Variants in MTRR observed in about 807,000 individuals in gnomAD.
MTRR encodes methionine synthase reductase.
Under a neutral mutation model 79.2 loss-of-function variants are expected in MTRR, and 63 were observed. The observed-to-expected ratio is 0.80, with a 90% CI of 0.65 to 0.98. MTRR has a LOEUF of 0.98. MTRR is among the 50% of genes least tolerant of loss of function. MTRR has a pLI of 0.00. For missense variants in MTRR, 895 were observed against 839.6 expected (o/e 1.07, Z -0.82); for synonymous variants, 355 against 313.3 (o/e 1.13, Z -1.41).
At chr5:7,878,791 C>T (rs767391729) in intron 5 of MTRR, among the ~76,000 whole-genome samples, 3 of 152,222 alleles carry the variant, frequency 2.0e-5, no homozygotes, top group Non-Finnish European at 4.4e-5. Flanking sequence ...TTTCTCCCCA[C>T]AGGCAGTGTA....
chr5:7,870,060 A>T (rs1747652464), intron 1 of MTRR: 1 of 985,126 alleles, frequency 1.0e-6, no homozygotes, highest in Admixed American at 6.2e-5. Context: ...AAAATCTGTG[A>T]GTGTCGTTTG....
intron 9 of MTRR, chr5:7,890,272 C>T: frequency 1.0e-6 from 1 of 985,296 alleles, no homozygotes; most frequent in South Asian, 4.7e-5. Context: ...GTTTTTTCCA[C>T]TTAGGACCTC....
intron 8 of MTRR, among the ~76,000 whole-genome samples, chr5:7,887,873 A>G (rs1425042021): frequency 1.4e-5 from 2 of 141,888 alleles, no homozygotes; most frequent in African/African-American, 2.7e-5. Context: ...AAAATTCTGG[A>G]TACAGAAATA....
intron 3 of MTRR, among the ~76,000 whole-genome samples, chr5:7,874,002 A>G (rs1748448653): frequency 6.6e-6 from 1 of 152,214 alleles, no homozygotes. Context: ...ACTAAATTAT[A>G]TGACTTAGGC....
upstream of MTRR, chr5:7,867,876 C>T: frequency 6.2e-7 from 1 of 1,614,130 alleles, no homozygotes; most frequent in Non-Finnish European, 8.5e-7. Context: ...AGGTCATTTC[C>T]ATTTTTCGAA....
At chr5:7,872,399 T>A (rs1015671788) in intron 2 of MTRR, 2 of 315,516 alleles carry the variant, frequency 6.3e-6, no homozygotes, top group African/African-American at 4.4e-5. Context: ...GCTCAGCTTA[T>A]AGCTAATGAT....
upstream of MTRR, chr5:7,867,547 C>G (rs978533461): frequency 6.2e-7 from 1 of 1,614,238 alleles, no homozygotes; most frequent in South Asian, 1.1e-5. Flanking sequence ...GCAAAGCAGT[C>G]ACTAAACTAG....
intron 3 of MTRR, 23 bp from the exon 4 acceptor site, chr5:7,875,235 A>C: frequency 6.9e-7 from 1 of 1,459,162 alleles, no homozygotes; most frequent in Non-Finnish European, 9.6e-7. Flanking sequence ...ATTGTGCATT[A>C]ATTATGTATT....
At chr5:7,895,661 C>A in intron 11 of MTRR, 73 bp from the exon 12 acceptor site, 1 of 1,577,450 alleles carries the variant, frequency 6.3e-7, no homozygotes, top group Non-Finnish European at 8.7e-7. Context: ...ATTTGTTTAG[C>A]AAAGATCATC....
At chr5:7,851,038 G>T, upstream of MTRR, 1 of 1,239,690 alleles carries the variant, frequency 8.1e-7, no homozygotes, top group Non-Finnish European at 1.0e-6. Context: ...ACCGTCCAGC[G>T]CCCCCGCCTT....
At chr5:7,882,129 T>C (rs529535823) in intron 5 of MTRR, among the ~76,000 whole-genome samples, 62 of 152,280 alleles carry the variant, frequency 4.1e-4, no homozygotes, top group African/African-American at 1.4e-3. Flanking sequence ...GGAAGCAGGA[T>C]TGGGCACAGT....
At chr5:7,866,462 C>T (rs1405900950), upstream of MTRR, among the ~76,000 whole-genome samples, 1 of 152,190 alleles carries the variant, frequency 6.6e-6, no homozygotes, top group African/African-American at 2.4e-5. Context: ...GCTTTCTTCC[C>T]TCTACATGAT....
intron 2 of MTRR, among the ~76,000 whole-genome samples, 199 bp from the exon 3 acceptor site, chr5:7,873,174 G>C (rs897342518): frequency 2.0e-5 from 3 of 152,192 alleles, no homozygotes; most frequent in Non-Finnish European, 2.9e-5. Flanking sequence ...ACAGACGCAT[G>C]GTTTCCTTGA....
chr5:7,893,944 CT>C (rs1561273071), intron 11 of MTRR, among the ~76,000 whole-genome samples: 2 of 152,092 alleles, frequency 1.3e-5, no homozygotes, highest in Admixed American at 1.3e-4. Context: ...CAGAAACTTT[CT>C]TTTTTGAGAA....
chr5:7,897,071 G>A lies in MTRR; in HGVS notation c.1776G>A (p.Glu592=). ...ATTATATATTATATTTCAGAAAAGA[G>A]CTCAGACATTTCCTTAAGCATGGGA... ...HKDRDYLFRK[E]LRHFLKHGIL... is the part of the protein sequence containing the mutation. The change falls in exon 14 of 15, where the codon GAG becomes GAA. Residue 592 remains glutamate, a synonymous_variant. Coordinates refer to ENST00000440940, the MANE Select transcript of MTRR (RefSeq NM_002454.3). 6.2e-7 allele frequency: 1 copy of A among 1,614,034 alleles called. No homozygotes were observed. Among genetic ancestry groups the A allele is most frequent in the Non-Finnish European group, 8.5e-7 (1 of 1,179,948 alleles).
rs1040084081 is a variant in MTRR, at chr5:7,885,567, T to G, written c.904-134T>G. On this transcript the variant is annotated intron_variant, in intron 6 of 14. Transcript: ENST00000440940. ...ATTTTTTAAAACAATTGTGTGTTTT[T>G]TTTTTTGAAATTCTATTTTCTGAGT... 65 of 872,940 alleles carry G rather than the reference T, an allele frequency of 7.4e-5. No homozygotes were observed. In the African/African-American group the frequency reaches 9.2e-4, roughly 12 times the overall value. The allele number at this position is 872,940 out of a possible 1,614,324, so 54.1% of individuals were successfully genotyped here. A position where few individuals can be genotyped will look rare whatever the true frequency, so the allele number is the denominator to read the frequency against.
chr5:7,899,785 T>G, intron 14 of MTRR, 129 bp from the exon 15 acceptor site: 10 of 1,223,042 alleles, frequency 8.2e-6, no homozygotes, highest in Non-Finnish European at 8.4e-6. Context: ...GAGATCTGTG[T>G]GAGATGTTCT....
chr5:7,895,950 A>C, intron 12 of MTRR, 98 bp downstream of exon 12: 1 of 1,442,006 alleles, frequency 6.9e-7, no homozygotes, highest in African/African-American at 1.4e-5. Context: ...TAAAATTTTT[A>C]TTTAAAAAAT....
chr5:7,867,422 A>G (rs1747057276), upstream of MTRR: 1 of 1,614,092 alleles, frequency 6.2e-7, no homozygotes, highest in Admixed American at 1.7e-5. Flanking sequence ...ACTTTCCCCA[A>G]GAATACAAAG....
Sources: allele counts gnomAD v4.1 joint callset (sites outside exome capture counted in the v4.1 genomes callset), GRCh38; gene constraint gnomAD v4.1.1; transcripts MANE v1.5; gene names NCBI Gene and HGNC (gene_info 2026-07-23, HGNC 2026-07-21).